Variants in SLC13A4 observed in about 807,000 individuals in gnomAD.
SLC13A4 encodes Na(+)/sulfate cotransporter SUT-1.
A neutral mutation model predicts 72.7 loss-of-function variants in SLC13A4; 28 were observed. That is an observed-to-expected ratio of 0.39 (90% confidence interval 0.29 to 0.53). The LOEUF is 0.53. Among genes scored for constraint, SLC13A4 ranks in the 20% least tolerant of loss-of-function variants. The pLI, the probability that SLC13A4 is intolerant of heterozygous loss-of-function variation, is 0.78. For synonymous variants in SLC13A4, 312 were observed against 325.5 expected, an observed-to-expected ratio of 0.96 and a Z score of 0.45; for missense variants, 653 against 788.0, an observed-to-expected ratio of 0.83 and a Z score of 2.05.
In SLC13A4 at chr7:135,685,654, G is replaced by T. The variant is rs546714866; in HGVS notation, c.1476C>A (p.Asn492Lys). The change falls in exon 14 of 16, where the codon AAC becomes AAA. Residue 492 changes from asparagine (N) to lysine (K), a missense_variant. Physicochemically the swap from Asn to Lys is moderately conservative, Grantham distance 94. Transcript: ENST00000682651. ...KSSGLSTWIGNQMLSLSSLPP... is the reference protein window; with the variant it reads ...KSSGLSTWIGKQMLSLSSLPP... The stretch of plus-strand genomic sequence containing the variant: ...GGAGGCTGCTCAGGGACAACATCTG[G>T]TTCCCAATCCATGTAGAGAGGCCAG... The T allele has an allele frequency of 2.1e-5, 34 of 1,614,186 alleles. No individual in the cohort carries two copies. The Middle Eastern group carries it at 1.3e-3, about 63-fold the overall frequency.
intron 2 of SLC13A4, among the ~76,000 whole-genome samples, chr7:135,715,249 GTGTA>G (rs1308858752): frequency 4.6e-5 from 7 of 151,714 alleles, no homozygotes; most frequent in Non-Finnish European, 1.0e-4. Flanking sequence ...GTATGTGTAT[GTGTA>G]TGAGTGTGGG....
At chr7:135,707,827 A>G (rs62480968) in intron 3 of SLC13A4, 10,607 of 289,038 alleles carry the variant, frequency 0.037, 219 homozygotes, top group Middle Eastern at 0.059. Flanking sequence ...CTCTTGGTCC[A>G]TCCTGTTTTA....
In SLC13A4 at chr7:135,681,646, T is replaced by TG. The variant is rs1372133114; in HGVS notation, c.1800dup (p.Ile601HisfsTer7). ...AAGAGGCTAACTCCCCAGGTGTTGA[T>TG]GGCCACCATTACTATCACCAGTCCA... On this transcript the variant is annotated frameshift_variant, in exon 16 of 16. Transcript: ENST00000682651. LOFTEE classifies it high-confidence loss of function. 6.2e-7 allele frequency: 1 copy of TG among 1,614,178 alleles called. No homozygotes were observed. The highest frequency in any genetic ancestry group is 1.1e-5 in the South Asian group (1 of 91,084).
intron 5 of SLC13A4, chr7:135,704,233 C>T (rs993672568): frequency 6.6e-6 from 1 of 152,390 alleles, no homozygotes; most frequent in African/African-American, 2.4e-5. Flanking sequence ...CACCAGAGCA[C>T]AGGCCCTGGA....
chr7:135,681,754 T>A (rs1488875559), intron 15 of SLC13A4, 54 bp from the exon 16 acceptor site: 6 of 1,578,572 alleles, frequency 3.8e-6, no homozygotes. Flanking sequence ...GCAGCACAGA[T>A]CCCCAAGTCC....
In SLC13A4 at chr7:135,684,992, C is replaced by T. The variant is rs146175155; in HGVS notation, c.1608+530G>A. ...CTCCCCTCCCTTATTCTATTCACAA[C>T]AAATTGGTCTGAGGTTGTGGAGCAA... On this transcript the variant is annotated intron_variant, in intron 14 of 15. Transcript: ENST00000682651. 1.6e-3 allele frequency among the ~76,000 whole-genome samples: 238 copies of T among 152,274 alleles called. 1 individual carries two copies. The highest frequency in any genetic ancestry group is 5.4e-3 in the African/African-American group (226 of 41,556).
intron 2 of SLC13A4, among the ~76,000 whole-genome samples, chr7:135,715,303 A>G (rs953225847): frequency 7.1e-6 from 1 of 140,202 alleles, no homozygotes; most frequent in Non-Finnish European, 1.5e-5. Flanking sequence ...GTGTACGTAT[A>G]TCTAAGCATG....
In SLC13A4 at chr7:135,691,225, G is replaced by T; in HGVS notation, c.1422C>A (p.Gly474=). The T allele has an allele frequency of 3.1e-6, 5 of 1,608,866 alleles. No homozygotes were observed. Among genetic ancestry groups the T allele is most frequent in the Non-Finnish European group, 4.2e-6 (5 of 1,178,514 alleles). ...CCTTGCTACCAGAAGCCAGAGCATA[G>T]CCTCCCCCAACCAGAATGACAATCT... The part of the protein sequence containing the change: ...PWEIVILVGG[G]YALASGSKSS... The change falls in exon 13 of 16, where the codon GGC becomes GGA. Residue 474 remains glycine, a synonymous_variant. Coordinates refer to ENST00000682651, the MANE Select transcript of SLC13A4 (RefSeq NM_001318192.2).
Position 135,691,293 on chromosome 7 carries a change from G to A in SLC13A4, c.1354C>T (p.Pro452Ser), listed in dbSNP as rs36004833. 53,396 of 1,613,686 alleles carry A rather than the reference G, an allele frequency of 0.033. 1,039 individuals carry two copies. The highest frequency in any genetic ancestry group is 0.048 in the Middle Eastern group (291 of 6,060). The change falls in exon 13 of 16, where the codon CCC becomes TCC. Residue 452 changes from proline to serine, a missense_variant. Physicochemically the swap from Pro to Ser is moderately conservative, Grantham distance 74. Coordinates refer to ENST00000682651, the MANE Select transcript of SLC13A4 (RefSeq NM_001318192.2). ...TGGAAGTCCTTCCACGTGATGATGGGCTCGGTCCCCAGTGAGTGCTCCTGG... is the reference window on the plus strand; with the variant it reads ...TGGAAGTCCTTCCACGTGATGATGGACTCGGTCCCCAGTGAGTGCTCCTGG... ...ENQEHSLGTEPIITWKDFQKT... is the reference protein window; with the variant it reads ...ENQEHSLGTESIITWKDFQKT...
chr7:135,705,733 G>A, intron 4 of SLC13A4, 83 bp from the exon 5 acceptor site: 1 of 1,149,744 alleles, frequency 8.7e-7, no homozygotes. Context: ...CAAGGGCTTA[G>A]GGCGGAGGTG....
intron 8 of SLC13A4, among the ~76,000 whole-genome samples, chr7:135,697,243 T>C (rs1316470839): frequency 6.6e-6 from 1 of 152,262 alleles, no homozygotes; most frequent in Non-Finnish European, 1.5e-5. Flanking sequence ...AATCTATGCC[T>C]TCAGCCTAAG....
intron 10 of SLC13A4, 27 bp downstream of exon 10, chr7:135,694,110 G>A: frequency 7.5e-7 from 1 of 1,341,706 alleles, no homozygotes; most frequent in Non-Finnish European, 1.1e-6. Flanking sequence ...GCTGGAGAAG[G>A]AGGGAAGAGG....
chr7:135,681,292 T>C lies in SLC13A4; in HGVS notation c.*271A>G. 2.9e-6 allele frequency: 1 copy of C among 347,532 alleles called. No individual in the cohort carries two copies. The highest frequency in any genetic ancestry group is 5.2e-6 in the Non-Finnish European group (1 of 194,134). 21.5% of individuals were successfully genotyped at this position (347,532 alleles called of 1,614,324 possible). A position where few individuals can be genotyped will look rare whatever the true frequency, so the allele number is the denominator to read the frequency against. On this transcript the variant is annotated 3_prime_UTR_variant, in exon 16 of 16. Transcript: ENST00000682651. The stretch of plus-strand genomic sequence containing the variant: ...TTTTTATTTTCTTTTTCTTTTTCTG[T>C]GAGCCTATGGCTTGTATTGAAACTT...
At chr7:135,703,681 G>A (rs1796092711) in intron 5 of SLC13A4, 1 of 152,280 alleles carries the variant, frequency 6.6e-6, no homozygotes. Flanking sequence ...TCTTAGTTGC[G>A]AGGACAGTGG....
At chr7:135,700,188 TC>T (rs1220262300) in intron 7 of SLC13A4, among the ~76,000 whole-genome samples, 1 of 152,220 alleles carries the variant, frequency 6.6e-6, no homozygotes, top group Admixed American at 6.5e-5. Context: ...GCCTGACTTT[TC>T]CTCTCTACTT....
chr7:135,699,291 C>T lies in SLC13A4; in HGVS notation c.899+73G>A, dbSNP rs952671495. The stretch of plus-strand genomic sequence containing the variant: ...CTTCTATTCTCATTTTCTACCATAT[C>T]TCTAGCACCTAGTCCAGTTCCTGAC... On this transcript the variant is annotated intron_variant, in intron 8 of 15. Transcript: ENST00000682651. 2.9e-6 allele frequency: 4 copies of T among 1,383,140 alleles called. No homozygotes were observed. The African/African-American group carries it at 5.8e-5, about 20-fold the overall frequency. 85.7% of individuals were successfully genotyped at this position (1,383,140 alleles called of 1,614,324 possible). A position where few individuals can be genotyped will look rare whatever the true frequency, so the allele number is the denominator to read the frequency against.
At chr7:135,716,656 G>A (rs2129495255) in intron 2 of SLC13A4, among the ~76,000 whole-genome samples, 1 of 152,256 alleles carries the variant, frequency 6.6e-6, no homozygotes, top group East Asian at 1.9e-4. Context: ...ACATTGCCTG[G>A]GGGGTTAAGA....
At chr7:135,687,568 T>C (rs894630496) in intron 13 of SLC13A4, among the ~76,000 whole-genome samples, 3 of 152,202 alleles carry the variant, frequency 2.0e-5, no homozygotes, top group African/African-American at 7.2e-5. Flanking sequence ...TTCCTTTTTT[T>C]CCTCTCAACT....
At chr7:135,709,904 T>C (rs1293113129) in intron 2 of SLC13A4, among the ~76,000 whole-genome samples, 1 of 152,238 alleles carries the variant, frequency 6.6e-6, no homozygotes, top group Non-Finnish European at 1.5e-5. Flanking sequence ...TTGTTTATTT[T>C]TGTATGTGTA....
Sources: allele counts gnomAD v4.1 joint callset (sites outside exome capture counted in the v4.1 genomes callset), GRCh38; gene constraint gnomAD v4.1.1; transcripts MANE v1.5; gene names NCBI Gene and HGNC (gene_info 2026-07-23, HGNC 2026-07-21).